The following LRRC4C variants were observed in gnomAD, a reference collection of about 807,000 sequenced individuals.
LRRC4C encodes the protein leucine rich repeat containing 4C.
A neutral mutation model predicts 33.6 loss-of-function variants in LRRC4C; 5 were observed. The observed-to-expected ratio is 0.15, with a 90% CI of 0.08 to 0.31. The LOEUF is 0.31. Among genes scored for constraint, LRRC4C ranks in the 10% least tolerant of loss-of-function variants. The pLI, the probability that LRRC4C is intolerant of heterozygous loss-of-function variation, is 1.00. For missense variants in LRRC4C, 560 were observed against 796.7 expected, an observed-to-expected ratio of 0.70 and a Z score of 3.58; for synonymous variants, 329 against 302.0, an observed-to-expected ratio of 1.09 and a Z score of -0.93.
intron 2 of LRRC4C, among the ~76,000 whole-genome samples, chr11:40,896,704 C>T (rs1252586626): frequency 2.0e-5 from 3 of 151,604 alleles, no homozygotes; most frequent in African/African-American, 4.8e-5. Context: ...TATATTAATA[C>T]AGCTAACCAA....
chr11:40,304,789 TG>T (rs1465698976), intron 4 of LRRC4C, among the ~76,000 whole-genome samples: 5 of 151,486 alleles, frequency 3.3e-5, no homozygotes, highest in Non-Finnish European at 5.9e-5. Context: ...TGGAGTGCAG[TG>T]GCGCAATCTC....
intron 1 of LRRC4C, among the ~76,000 whole-genome samples, chr11:41,370,201 G>C (rs935539955): frequency 6.6e-6 from 1 of 151,850 alleles, no homozygotes; most frequent in African/African-American, 2.4e-5. Flanking sequence ...TATTTTTTGG[G>C]ATAGGGTCTC....
chr11:40,243,341 C>A (rs2136110831), intron 4 of LRRC4C, among the ~76,000 whole-genome samples: 1 of 152,236 alleles, frequency 6.6e-6, no homozygotes, highest in East Asian at 1.9e-4. Flanking sequence ...CTATCACTGG[C>A]TAAGAATATA....
At chr11:41,284,109 A>G (rs931694175) in intron 1 of LRRC4C, among the ~76,000 whole-genome samples, 1 of 152,212 alleles carries the variant, frequency 6.6e-6, no homozygotes, top group Non-Finnish European at 1.5e-5. Context: ...TTTCACATAA[A>G]AACTGTCTGG....
intron 2 of LRRC4C, among the ~76,000 whole-genome samples, chr11:40,737,393 T>C (rs1947927419): frequency 6.6e-6 from 1 of 151,884 alleles, no homozygotes; most frequent in Admixed American, 6.6e-5. Flanking sequence ...GAGAAAAAAA[T>C]AAAGTTATTT....
At chr11:40,537,449 CA>C (rs1200513084) in intron 3 of LRRC4C, among the ~76,000 whole-genome samples, 1 of 152,160 alleles carries the variant, frequency 6.6e-6, no homozygotes, top group African/African-American at 2.4e-5. Flanking sequence ...GTCACTTCCC[CA>C]TAATACTATA....
In LRRC4C at chr11:40,199,502, G is replaced by C. The variant is rs57501262; in HGVS notation, c.-96+42017C>G. Among the ~76,000 whole-genome samples the C allele has an allele frequency of 7.5e-4, 114 of 152,240 alleles. 4 individuals are homozygous for C. The East Asian group carries it at 0.021, about 28-fold the overall frequency. On this transcript the variant is annotated intron_variant, in intron 5 of 6. Coordinates refer to ENST00000528697, the MANE Select transcript of LRRC4C (RefSeq NM_001258419.2). ...TGATTGCAATGAGCCACTAGGTTTT[G>C]AGCTAAGACATGATTTCACAGACAT...
At chr11:40,746,405 G>A (rs1948424045) in intron 2 of LRRC4C, among the ~76,000 whole-genome samples, 2 of 152,174 alleles carry the variant, frequency 1.3e-5, no homozygotes, top group Non-Finnish European at 2.9e-5. Flanking sequence ...AGCACAGGCT[G>A]CTGCTTTAGG....
chr11:41,054,616 C>T (rs1181077582), intron 1 of LRRC4C, among the ~76,000 whole-genome samples: 1 of 152,142 alleles, frequency 6.6e-6, no homozygotes, highest in South Asian at 2.1e-4. Context: ...TCAATTTCAG[C>T]GAGTTTGAAG....
chr11:40,167,510 C>T (rs968853809), intron 5 of LRRC4C, among the ~76,000 whole-genome samples: 2 of 152,034 alleles, frequency 1.3e-5, no homozygotes, highest in Non-Finnish European at 2.9e-5. Flanking sequence ...ATTAAAAAGC[C>T]ACCAGCAGAA....
At chr11:41,344,016 T>C (rs1951720542) in intron 1 of LRRC4C, among the ~76,000 whole-genome samples, 1 of 152,138 alleles carries the variant, frequency 6.6e-6, no homozygotes, top group Non-Finnish European at 1.5e-5. Context: ...GAGCCTTCCA[T>C]TATCTGAGCA....
chr11:40,482,476 G>A (rs963515434), intron 3 of LRRC4C, among the ~76,000 whole-genome samples: 1 of 149,838 alleles, frequency 6.7e-6, no homozygotes, highest in Non-Finnish European at 1.5e-5. Context: ...TTTTGGTTTT[G>A]TATTGTTTTT....
At chr11:40,828,456 CA>C (rs1400268930) in intron 2 of LRRC4C, among the ~76,000 whole-genome samples, 2 of 151,696 alleles carry the variant, frequency 1.3e-5, no homozygotes, top group Non-Finnish European at 2.9e-5. Flanking sequence ...ATTGTAGGAA[CA>C]AATTCTTTAT....
intron 3 of LRRC4C, among the ~76,000 whole-genome samples, chr11:40,531,168 A>C (rs762772336): frequency 7.2e-5 from 11 of 152,096 alleles, no homozygotes; most frequent in Non-Finnish European, 1.5e-4. Context: ...GTTCACAGCA[A>C]AATTGAGAGG....
At position 41,279,422 on chromosome 11, in the gene LRRC4C, A is replaced by ACC. The variant is rs1178054658; in HGVS notation, c.-496+180008_-496+180009insGG. ...CACACACACACACACACACACACAC[A>ACC]CACACACCGTGGCAATCACTGCCTG... On this transcript the variant is annotated intron_variant, in intron 1 of 6. Transcript: ENST00000528697. Among the ~76,000 whole-genome samples the ACC allele has an allele frequency of 7.9e-5, 11 of 138,424 alleles. No homozygotes were observed. The East Asian group carries it at 9.5e-4, about 12-fold the overall frequency. 90.8% of individuals were successfully genotyped at this position (138,424 alleles called of 152,430 possible). A position where few individuals can be genotyped will look rare whatever the true frequency, so the allele number is the denominator to read the frequency against.
chr11:41,256,520 A>T (rs1316631243), intron 1 of LRRC4C, among the ~76,000 whole-genome samples: 1 of 151,958 alleles, frequency 6.6e-6, no homozygotes, highest in Non-Finnish European at 1.5e-5. Context: ...GAAATCCAAA[A>T]AAGGAAAGTG....
chr11:41,333,146 A>G (rs1951347780), intron 1 of LRRC4C, among the ~76,000 whole-genome samples: 1 of 152,234 alleles, frequency 6.6e-6, no homozygotes, highest in South Asian at 2.1e-4. Context: ...AGCTAAGCAA[A>G]TGAGGATGTT....
At chr11:40,896,634 G>T (rs1026602305) in intron 2 of LRRC4C, among the ~76,000 whole-genome samples, 1 of 151,404 alleles carries the variant, frequency 6.6e-6, no homozygotes, top group Admixed American at 6.6e-5. Context: ...TTCATATGTA[G>T]ATAAGAGTAA....
At chr11:41,447,487 C>T (rs922624610) in intron 1 of LRRC4C, among the ~76,000 whole-genome samples, 4 of 152,046 alleles carry the variant, frequency 2.6e-5, no homozygotes, top group Non-Finnish European at 4.4e-5. Flanking sequence ...TTTAGAATCC[C>T]ATGGAAGTTG....
Sources: gnomAD v4.1 joint callset for allele counts (sites outside exome capture counted in the v4.1 genomes callset) on GRCh38, gnomAD v4.1.1 for gene constraint, MANE v1.5 for transcripts, NCBI Gene and HGNC (gene_info 2026-07-23, HGNC 2026-07-21) for gene names.